SMPD3: variants seen among roughly 807,000 people sequenced by gnomAD.
SMPD3 encodes the protein nSMase-2.
SMPD3 carries 21 observed loss-of-function variants against 55.7 expected under a neutral mutation model. That is an observed-to-expected ratio of 0.38 (90% CI 0.27 to 0.54). The LOEUF (loss-of-function observed/expected upper bound fraction) is 0.54. SMPD3 is among the 20% of genes least tolerant of loss of function. SMPD3 has a pLI of 0.80. For missense variants in SMPD3, 842 were observed against 899.6 expected (o/e 0.94, Z 0.82); for synonymous variants, 457 against 404.3 (o/e 1.13, Z -1.56).
rs2090057717 is a variant in SMPD3, at chr16:68,386,652, C to T, written c.-261G>A. On this transcript the variant is annotated 5_prime_UTR_variant, in exon 2 of 9. It adds an upstream start codon to the 5' untranslated region. Transcript: ENST00000219334. Reference sequence around the variant, plus strand: ...CCTTCTCTCTGAAGAAGAGCTGTCACCGCAGACCTGAAAGGAGATGAGCAG... The same window carrying T: ...CCTTCTCTCTGAAGAAGAGCTGTCATCGCAGACCTGAAAGGAGATGAGCAG... The T allele has an allele frequency of 6.6e-6, 1 of 150,936 alleles. No individual in the cohort carries two copies. The highest frequency in any genetic ancestry group is 2.0e-4 in the East Asian group (1 of 5,124). 9.3% of individuals were successfully genotyped at this position (150,936 alleles called of 1,614,324 possible).
intron 1 of SMPD3, among the ~76,000 whole-genome samples, chr16:68,403,545 T>C (rs2090228853): frequency 6.6e-6 from 1 of 152,250 alleles, no homozygotes. Flanking sequence ...ACTAATTCAG[T>C]ACCAAACATG....
chr16:68,365,108 G>T lies in SMPD3; in HGVS notation c.1324-16C>A, dbSNP rs369930334. ...CCACCTGCACCTGGGGGAGGAGGGG[G>T]TCAGTGCTGCCACCTGCCAGTCACT... On this transcript the variant is annotated splice_polypyrimidine_tract_variant and intron_variant, in intron 3 of 8. Coordinates refer to ENST00000219334, the MANE Select transcript of SMPD3 (RefSeq NM_018667.4). 6.2e-6 allele frequency: 10 copies of T among 1,613,386 alleles called. No homozygotes were observed. In the South Asian group the frequency reaches 9.9e-5, roughly 16 times the overall value.
intron 2 of SMPD3, among the ~76,000 whole-genome samples, chr16:68,373,700 A>C (rs1329938761): frequency 6.6e-6 from 1 of 152,124 alleles, no homozygotes; most frequent in Non-Finnish European, 1.5e-5. Context: ...CGGTTCCCCA[A>C]CTTTATCAGC....
chr16:68,402,964 A>G (rs2090224190), intron 1 of SMPD3, among the ~76,000 whole-genome samples: 2 of 152,324 alleles, frequency 1.3e-5, no homozygotes, highest in South Asian at 4.1e-4. Context: ...CGCTTCTATA[A>G]TGATGATGAG....
chr16:68,404,435 G>C lies in SMPD3; in HGVS notation c.-268-17776C>G, dbSNP rs1382396531. On this transcript the variant is annotated intron_variant, in intron 1 of 8. Coordinates refer to ENST00000219334, the MANE Select transcript of SMPD3 (RefSeq NM_018667.4). This position sits in a 1 kb window ranked among gnomAD's most constrained non-coding sequence, Gnocchi z 4.0. Reference sequence around the variant, plus strand: ...TGCCCAGGCTGGTCCTGAACTCCTGGGCTCAAGGGATTCGCTTGCCTTGGC... The same window carrying C: ...TGCCCAGGCTGGTCCTGAACTCCTGCGCTCAAGGGATTCGCTTGCCTTGGC... Among the ~76,000 whole-genome samples the C allele has an allele frequency of 6.6e-6, 1 of 152,032 alleles. No homozygotes were observed. The highest frequency in any genetic ancestry group is 1.5e-5 in the Non-Finnish European group (1 of 67,994).
intron 1 of SMPD3, among the ~76,000 whole-genome samples, chr16:68,446,531 G>A (rs1381850957): frequency 1.3e-5 from 2 of 149,612 alleles, no homozygotes; most frequent in Non-Finnish European, 1.5e-5. Flanking sequence ...AGCCCGAAGC[G>A]CAAGCTCTGG....
At chr16:68,378,724 C>T (rs1228299966) in intron 2 of SMPD3, among the ~76,000 whole-genome samples, 1 of 152,196 alleles carries the variant, frequency 6.6e-6, no homozygotes. Context: ...CAGCACCAGC[C>T]CTCCTGACCT....
chr16:68,440,163 G>A (rs2090555095), intron 1 of SMPD3, among the ~76,000 whole-genome samples: 1 of 152,184 alleles, frequency 6.6e-6, no homozygotes, highest in Admixed American at 6.5e-5. Context: ...TTGTAGAAAA[G>A]GCACTGAAGA....
intron 1 of SMPD3, among the ~76,000 whole-genome samples, chr16:68,432,705 A>C (rs1003525575): frequency 2.0e-5 from 3 of 152,220 alleles, no homozygotes; most frequent in Non-Finnish European, 4.4e-5. Context: ...TCTGGCAGCT[A>C]AATGTATGAG....
chr16:68,358,456 C>T lies in SMPD3; in HGVS notation c.*2750G>A, dbSNP rs769001258. The T allele has an allele frequency of 1.3e-5, 2 of 152,718 alleles. No individual in the cohort carries two copies. Among genetic ancestry groups the T allele is most frequent in the African/African-American group, 2.4e-5 (1 of 41,558 alleles). 9.5% of individuals were successfully genotyped at this position (152,718 alleles called of 1,614,324 possible). ...ACTTGTTTTTCTTCTAGGGAAGAAC[C>T]GTCTGGATATATATTTGATAATGTT... On this transcript the variant is annotated 3_prime_UTR_variant, in exon 9 of 9. Coordinates refer to ENST00000219334, the MANE Select transcript of SMPD3 (RefSeq NM_018667.4).
chr16:68,441,527 T>C (rs185574191), intron 1 of SMPD3, among the ~76,000 whole-genome samples: 28 of 152,248 alleles, frequency 1.8e-4, no homozygotes, highest in Non-Finnish European at 3.8e-4. Context: ...TTACTTAATA[T>C]ATCTAAAATA....
chr16:68,390,576 G>T (rs142966017), intron 1 of SMPD3, among the ~76,000 whole-genome samples: 2 of 152,202 alleles, frequency 1.3e-5, no homozygotes. Flanking sequence ...TGGGAAGATC[G>T]CTGGAGCCCA....
At chr16:68,434,854 G>A (rs1411982590) in intron 1 of SMPD3, among the ~76,000 whole-genome samples, 1 of 152,176 alleles carries the variant, frequency 6.6e-6, no homozygotes, top group Non-Finnish European at 1.5e-5. Context: ...TCCTTTGGTG[G>A]AGGCGACATC....
intron 2 of SMPD3, among the ~76,000 whole-genome samples, chr16:68,373,580 C>T (rs1222175354): frequency 6.6e-6 from 1 of 152,190 alleles, no homozygotes; most frequent in Non-Finnish European, 1.5e-5. Flanking sequence ...TCCTGAATCC[C>T]TGGTCACCCA....
intron 2 of SMPD3, among the ~76,000 whole-genome samples, chr16:68,385,627 T>C (rs1251532024): frequency 1.3e-5 from 2 of 152,198 alleles, no homozygotes; most frequent in Non-Finnish European, 2.9e-5. Flanking sequence ...CTGGCAACCC[T>C]GACAACGCTT....
intron 1 of SMPD3, among the ~76,000 whole-genome samples, chr16:68,434,755 C>T (rs4783633): frequency 0.75 from 113,997 of 152,130 alleles, 43,222 homozygotes; most frequent in East Asian, 0.87. Flanking sequence ...TCCACTGATC[C>T]GCGTTCTATT....
intron 8 of SMPD3, 41 bp downstream of exon 8, chr16:68,361,562 T>C: frequency 6.3e-7 from 1 of 1,598,642 alleles, no homozygotes; most frequent in Non-Finnish European, 8.5e-7. Flanking sequence ...GGCCCTGCTC[T>C]CTCTTTGCAT....
At chr16:68,410,115 TC>T (rs1231851988) in intron 1 of SMPD3, among the ~76,000 whole-genome samples, 1 of 152,208 alleles carries the variant, frequency 6.6e-6, no homozygotes, top group East Asian at 1.9e-4. Context: ...GTGGGGCAGT[TC>T]CTTGTCTCCA....
At chr16:68,377,065 T>C (rs1385914338) in intron 2 of SMPD3, among the ~76,000 whole-genome samples, 1 of 152,162 alleles carries the variant, frequency 6.6e-6, no homozygotes, top group Admixed American at 6.5e-5. Context: ...TGGGCACGGT[T>C]CTGGGGGTCA....
Sources: allele counts gnomAD v4.1 joint callset (sites outside exome capture counted in the v4.1 genomes callset), GRCh38; gene constraint gnomAD v4.1.1; non-coding constraint Gnocchi (gnomAD v3.1); transcripts MANE v1.5; gene names NCBI Gene and HGNC (gene_info 2026-07-23, HGNC 2026-07-21).